Variants in SGIP1 observed in about 807,000 individuals in gnomAD.
SGIP1 encodes SH3GL interacting endocytic adaptor 1, also known as SH3-containing GRB2-like protein 3-interacting protein 1.
Under a neutral mutation model 107.5 loss-of-function variants are expected in SGIP1, and 38 were observed. The ratio of observed to expected loss-of-function variants is 0.35; its 90% confidence interval spans 0.27 to 0.46. The LOEUF is 0.46. Among genes scored for constraint, SGIP1 ranks in the 20% least tolerant of loss-of-function variants. The probability of loss-of-function intolerance (pLI) is 1.00; values close to 1 mark genes in which losing one functional copy is unlikely to be tolerated. For synonymous variants in SGIP1, 365 were observed against 366.1 expected (o/e 1.00, Z 0.03); for missense variants, 929 against 1,019.5 (o/e 0.91, Z 1.21).
intron 7 of SGIP1, among the ~76,000 whole-genome samples, chr1:66,658,019 T>C (rs1571346585): frequency 6.6e-6 from 1 of 152,174 alleles, no homozygotes; most frequent in Non-Finnish European, 1.5e-5. Context: ...GCTGCTGCCA[T>C]AGCAAAACAA....
At chr1:66,724,608 C>A (rs1231680654) in intron 19 of SGIP1, among the ~76,000 whole-genome samples, 1 of 152,116 alleles carries the variant, frequency 6.6e-6, no homozygotes, top group African/African-American at 2.4e-5. Context: ...ACTGTAAGCC[C>A]TTTGAAAGCA....
At chr1:66,542,078 C>T (rs2148064663) in intron 1 of SGIP1, among the ~76,000 whole-genome samples, 1 of 152,106 alleles carries the variant, frequency 6.6e-6, no homozygotes, top group South Asian at 2.1e-4. Context: ...ACAGATATTA[C>T]CAAACCCTAT....
intron 1 of SGIP1, among the ~76,000 whole-genome samples, chr1:66,583,757 G>T (rs147074913): frequency 1.3e-5 from 2 of 152,154 alleles, no homozygotes; most frequent in East Asian, 3.9e-4. Context: ...CACATAGCTT[G>T]CTCCTGTCTG....
At chr1:66,679,929 G>A (rs1023336983) in intron 14 of SGIP1, among the ~76,000 whole-genome samples, 177 bp downstream of exon 14, 1 of 152,080 alleles carries the variant, frequency 6.6e-6, no homozygotes, top group Non-Finnish European at 1.5e-5. Flanking sequence ...ACCACTTCCA[G>A]GTTTCACACA....
intron 1 of SGIP1, among the ~76,000 whole-genome samples, chr1:66,545,843 A>T (rs1427305557): frequency 1.3e-5 from 2 of 152,104 alleles, no homozygotes; most frequent in African/African-American, 4.8e-5. Flanking sequence ...AATAAATCTT[A>T]ATTACTATTC....
intron 7 of SGIP1, among the ~76,000 whole-genome samples, chr1:66,659,745 A>G (rs576560127): frequency 2.6e-5 from 4 of 151,444 alleles, no homozygotes; most frequent in African/African-American, 9.7e-5. Context: ...CCCTATCTTT[A>G]CAAAAATAAA....
intron 17 of SGIP1, among the ~76,000 whole-genome samples, chr1:66,691,069 T>C (rs2089728200): frequency 1.3e-5 from 2 of 152,090 alleles, no homozygotes; most frequent in Admixed American, 1.3e-4. Flanking sequence ...TCCTATTGCC[T>C]CTCTCATTTT....
At chr1:66,607,212 A>T (rs1238547841) in intron 1 of SGIP1, among the ~76,000 whole-genome samples, 2 of 152,090 alleles carry the variant, frequency 1.3e-5, no homozygotes, top group Non-Finnish European at 2.9e-5. Context: ...ACTTTTCCTC[A>T]CTCTCTCATA....
chr1:66,655,726 G>C, intron 7 of SGIP1, among the ~76,000 whole-genome samples: 1 of 151,946 alleles, frequency 6.6e-6, no homozygotes. Flanking sequence ...TAAAAATATG[G>C]CATGAAAGAT....
intron 1 of SGIP1, among the ~76,000 whole-genome samples, chr1:66,553,978 G>A (rs933838332): frequency 2.6e-5 from 4 of 152,158 alleles, no homozygotes; most frequent in Middle Eastern, 3.4e-3. Flanking sequence ...GTCTGGACAG[G>A]CCTCATTTAT....
At chr1:66,643,826 A>G (rs542523071) in intron 7 of SGIP1, 107 bp downstream of exon 7, 1 of 950,434 alleles carries the variant, frequency 1.1e-6, no homozygotes. Flanking sequence ...AAGCCTGCAT[A>G]TGGTCACCAT....
intron 1 of SGIP1, among the ~76,000 whole-genome samples, chr1:66,557,722 A>G (rs560840187): frequency 7.9e-5 from 12 of 152,246 alleles, no homozygotes; most frequent in Middle Eastern, 3.4e-3. Context: ...CATTAGGCAA[A>G]ATAATGTCCC....
chr1:66,692,924 T>C (rs1209490133), intron 17 of SGIP1, among the ~76,000 whole-genome samples: 3 of 152,190 alleles, frequency 2.0e-5, no homozygotes, highest in African/African-American at 7.2e-5. Flanking sequence ...TTGTGTATTG[T>C]CACACTCGAA....
intron 1 of SGIP1, among the ~76,000 whole-genome samples, chr1:66,541,980 G>A (rs955329940): frequency 1.3e-5 from 2 of 152,100 alleles, no homozygotes; most frequent in Non-Finnish European, 2.9e-5. Flanking sequence ...TTCGTGCAAT[G>A]TCTCTGTGTG....
intron 5 of SGIP1, among the ~76,000 whole-genome samples, chr1:66,640,519 G>C (rs529264926): frequency 1.4e-3 from 208 of 152,260 alleles, no homozygotes; most frequent in African/African-American, 4.7e-3. Flanking sequence ...AGAATTGCAG[G>C]CAGGGGGAAC....
Position 66,641,999 on chromosome 1 carries a change from G to A in SGIP1, c.229-811G>A, listed in dbSNP as rs60428227. Among the ~76,000 whole-genome samples, 1,284 of 152,196 alleles carry A rather than the reference G, an allele frequency of 8.4e-3. 15 individuals are homozygous for A. The highest frequency in any genetic ancestry group is 0.027 in the African/African-American group (1,126 of 41,518). ...ATCCTTAGCACATCTTGCCTGAATC[G>A]ATGCACATGTTTTAAATTAGTTTTT... is the stretch of plus-strand genomic sequence containing the variant. On this transcript the variant is annotated intron_variant, in intron 5 of 24. Transcript: ENST00000371037.
At chr1:66,578,255 TATCTGCAGGA>T (rs2148699484) in intron 1 of SGIP1, among the ~76,000 whole-genome samples, 1 of 68,236 alleles carries the variant, frequency 1.5e-5, no homozygotes, top group African/African-American at 8.8e-5. Context: ...TATCTGCAGG[TATCTGCAGGA>T]ACTGGAAATT....
intron 8 of SGIP1, among the ~76,000 whole-genome samples, 177 bp from the exon 9 acceptor site, chr1:66,667,353 G>A (rs763462015): frequency 9.2e-5 from 14 of 152,204 alleles, no homozygotes; most frequent in Non-Finnish European, 1.8e-4. Context: ...GTTCTCCAAA[G>A]CCTCCTATGG....
At chr1:66,621,127 A>T (rs2070976615) in intron 1 of SGIP1, among the ~76,000 whole-genome samples, 1 of 152,226 alleles carries the variant, frequency 6.6e-6, no homozygotes. Flanking sequence ...GCATTTGCTT[A>T]TGAAAAGCTT....
Sources: gnomAD v4.1 joint callset for allele counts (sites outside exome capture counted in the v4.1 genomes callset) on GRCh38, gnomAD v4.1.1 for gene constraint, MANE v1.5 for transcripts, NCBI Gene and HGNC (gene_info 2026-07-23, HGNC 2026-07-21) for gene names.